The following ETFA variants were observed in gnomAD, a reference collection of about 807,000 sequenced individuals.
ETFA encodes electron transfer flavoprotein subunit alpha, also known as electron transfer flavoprotein subunit alpha, mitochondrial.
In ETFA, 22 loss-of-function variants were observed where a neutral mutation model predicts 46.2. That is an observed-to-expected ratio of 0.48 (90% CI 0.34 to 0.68). The LOEUF is 0.68. ETFA is among the 30% of genes least tolerant of loss of function. The probability of loss-of-function intolerance (pLI) is 0.01; values close to 1 mark genes in which losing one functional copy is unlikely to be tolerated. For synonymous variants in ETFA, 131 were observed against 139.9 expected, an observed-to-expected ratio of 0.94 and a Z score of 0.45; for missense variants, 345 against 401.1, an observed-to-expected ratio of 0.86 and a Z score of 1.19.
At chr15:76,261,498 C>T (rs903072038) in intron 9 of ETFA, 22 of 762,152 alleles carry the variant, frequency 2.9e-5, no homozygotes, top group Middle Eastern at 2.6e-4. Context: ...CCATCCCCTC[C>T]ATGCTGCAGC....
At chr15:76,218,428 C>A (rs371888511) in intron 11 of ETFA, among the ~76,000 whole-genome samples, 1 of 152,110 alleles carries the variant, frequency 6.6e-6, no homozygotes, top group African/African-American at 2.4e-5. Flanking sequence ...CCACCACACC[C>A]GGCTAATTTT....
At chr15:76,295,936 C>CTTTTTTTTTTTTTTTTTTGTTTTTT (rs2039817040) in intron 1 of ETFA, among the ~76,000 whole-genome samples, 199 bp from the exon 2 acceptor site, 1 of 46,602 alleles carries the variant, frequency 2.1e-5, no homozygotes, top group Non-Finnish European at 4.2e-5. Context: ...CACTAATATT[C>CTTTTTTTTTTTTTTTTTTGTTTTTT]TTTTTTTTTT....
chr15:76,265,427 C>T (rs1596207821), intron 9 of ETFA, among the ~76,000 whole-genome samples: 2 of 152,290 alleles, frequency 1.3e-5, no homozygotes, highest in Non-Finnish European at 2.9e-5. Flanking sequence ...GCAGGAAAAG[C>T]TTTATATTGG....
intron 9 of ETFA, among the ~76,000 whole-genome samples, chr15:76,262,033 T>C (rs1266985008): frequency 6.6e-6 from 1 of 152,114 alleles, no homozygotes; most frequent in East Asian, 1.9e-4. Context: ...TAAAGTAAAA[T>C]ATCTGTAATG....
chr15:76,259,309 T>C, intron 9 of ETFA: 1 of 1,591,504 alleles, frequency 6.3e-7, no homozygotes, highest in Non-Finnish European at 8.6e-7. Flanking sequence ...TCCAGTTCCA[T>C]TCGCAGACAA....
chr15:76,272,222 CTTTTTTT>C (rs561675037), intron 9 of ETFA, among the ~76,000 whole-genome samples: 1 of 137,318 alleles, frequency 7.3e-6, no homozygotes, highest in East Asian at 2.1e-4. Flanking sequence ...TTCTTTCTTT[CTTTTTTT>C]TTTTTTTTTG....
At chr15:76,276,240 G>C (rs1230961699) in intron 8 of ETFA, among the ~76,000 whole-genome samples, 1 of 151,986 alleles carries the variant, frequency 6.6e-6, no homozygotes, top group Non-Finnish European at 1.5e-5. Flanking sequence ...ACATTGGTGA[G>C]TGTTTTCTCT....
chr15:76,222,679 AG>A (rs1234367160), intron 11 of ETFA, among the ~76,000 whole-genome samples: 4 of 151,840 alleles, frequency 2.6e-5, no homozygotes, highest in African/African-American at 9.7e-5. Context: ...ACCCTGGCTT[AG>A]TTGTGCCCAT....
At chr15:76,262,507 G>A (rs1186714764) in intron 9 of ETFA, among the ~76,000 whole-genome samples, 6 of 106,716 alleles carry the variant, frequency 5.6e-5, no homozygotes, top group African/African-American at 2.0e-4. Context: ...TTTTGAGAAG[G>A]TGTCTCGCTC....
chr15:76,244,580 AG>A (rs2039226514), intron 9 of ETFA, among the ~76,000 whole-genome samples: 1 of 152,168 alleles, frequency 6.6e-6, no homozygotes, highest in South Asian at 2.1e-4. Flanking sequence ...AACATTTTCT[AG>A]TAAAGTGTCT....
At chr15:76,257,916 G>A (rs2039361534) in intron 9 of ETFA, among the ~76,000 whole-genome samples, 2 of 149,590 alleles carry the variant, frequency 1.3e-5, no homozygotes, top group African/African-American at 4.9e-5. Context: ...ATTATCGCAA[G>A]GACAAAAAAA....
At chr15:76,288,963 G>C (rs1417518290) in intron 4 of ETFA, among the ~76,000 whole-genome samples, 2 of 116,496 alleles carry the variant, frequency 1.7e-5, no homozygotes, top group East Asian at 2.8e-4. Flanking sequence ...CTGTTACCCA[G>C]GCTGAACTTG....
At chr15:76,285,910 T>C (rs894225345) in intron 6 of ETFA, among the ~76,000 whole-genome samples, 172 bp from the exon 7 acceptor site, 1 of 152,236 alleles carries the variant, frequency 6.6e-6, no homozygotes, top group Non-Finnish European at 1.5e-5. Context: ...TTAAGGAGAC[T>C]AGATTCCAGC....
In ETFA at chr15:76,239,755, T is replaced by C. The variant is rs190847276; in HGVS notation, c.817-8357A>G. Among the ~76,000 whole-genome samples, 145 of 150,958 alleles carry C rather than the reference T, an allele frequency of 9.6e-4. 1 individual carries two copies. The highest frequency in any genetic ancestry group is 3.4e-3 in the African/African-American group (141 of 40,996). ...AAGATCCCTAAAACAAGATGAGACCTGGTGAAGAGCCAACTGAAGTTTGTA... is the reference window on the plus strand; with the variant it reads ...AAGATCCCTAAAACAAGATGAGACCCGGTGAAGAGCCAACTGAAGTTTGTA... On this transcript the variant is annotated intron_variant, in intron 9 of 11. Coordinates refer to ENST00000557943, the MANE Select transcript of ETFA (RefSeq NM_000126.4).
intron 9 of ETFA, among the ~76,000 whole-genome samples, chr15:76,273,923 C>T (rs146225399): frequency 4.3e-4 from 65 of 152,240 alleles, no homozygotes; most frequent in African/African-American, 1.5e-3. Context: ...CTATGTAGAA[C>T]AGAATTTTCT....
chr15:76,262,809 G>A (rs1435368908), intron 9 of ETFA, among the ~76,000 whole-genome samples: 1 of 151,896 alleles, frequency 6.6e-6, no homozygotes, highest in African/African-American at 2.4e-5. Flanking sequence ...AAAGATCTAC[G>A]ATAAAGATAA....
Position 76,284,560 on chromosome 15 carries a change from G to A in ETFA, c.665-735C>T, listed in dbSNP as rs372742146. ...GGCTGAAATGCAATGGTGCGATCTCGGCTCACTGCAACCTCTGCCTCCCAG... is the reference window on the plus strand; with the variant it reads ...GGCTGAAATGCAATGGTGCGATCTCAGCTCACTGCAACCTCTGCCTCCCAG... On this transcript the variant is annotated intron_variant, in intron 7 of 11. Transcript: ENST00000557943. The A allele has an allele frequency of 2.5e-4, 43 of 170,376 alleles. 1 individual carries two copies. The South Asian group carries it at 4.1e-3, about 16-fold the overall frequency. The allele number at this position is 170,376 out of a possible 1,614,324, so 10.6% of individuals were successfully genotyped here. A position where few individuals can be genotyped will look rare whatever the true frequency, so the allele number is the denominator to read the frequency against.
In ETFA at chr15:76,259,884, T is replaced by A. The variant is rs1181766689; in HGVS notation, c.816+14528A>T. ...AAGGCGTGCAGGTCCCCATGCTTCATGAAGGGCAAGATGACCACGGGGATG... is the reference window on the plus strand; with the variant it reads ...AAGGCGTGCAGGTCCCCATGCTTCAAGAAGGGCAAGATGACCACGGGGATG... On this transcript the variant is annotated intron_variant, in intron 9 of 11. Coordinates refer to ENST00000557943, the MANE Select transcript of ETFA (RefSeq NM_000126.4). 3.8e-6 allele frequency: 5 copies of A among 1,299,394 alleles called. No individual in the cohort carries two copies. In the African/African-American group the frequency reaches 7.3e-5, roughly 19 times the overall value. The allele number at this position is 1,299,394 out of a possible 1,614,324, so 80.5% of individuals were successfully genotyped here. A position where few individuals can be genotyped will look rare whatever the true frequency, so the allele number is the denominator to read the frequency against.
chr15:76,290,803 G>A (rs937449315), intron 4 of ETFA, among the ~76,000 whole-genome samples: 1 of 152,202 alleles, frequency 6.6e-6, no homozygotes, highest in African/African-American at 2.4e-5. Context: ...TTCTAAAGAG[G>A]GGAGGGTGAG....
Sources: gnomAD v4.1 joint callset for allele counts (sites outside exome capture counted in the v4.1 genomes callset) on GRCh38, gnomAD v4.1.1 for gene constraint, MANE v1.5 for transcripts, NCBI Gene and HGNC (gene_info 2026-07-23, HGNC 2026-07-21) for gene names.